Variants in AHNAK observed in about 807,000 individuals in gnomAD.
AHNAK encodes the protein neuroblast differentiation-associated protein AHNAK.
A neutral mutation model predicts 37.8 loss-of-function variants in AHNAK; 23 were observed. The ratio of observed to expected loss-of-function variants is 0.61; its 90% confidence interval spans 0.44 to 0.86. The LOEUF (loss-of-function observed/expected upper bound fraction) is 0.86, where lower values mean the gene tolerates loss of function less well. AHNAK is among the 40% of genes least tolerant of loss of function. The probability of loss-of-function intolerance (pLI) is 0.00; values close to 1 mark genes in which losing one functional copy is unlikely to be tolerated. For synonymous variants in AHNAK, 2,481 were observed against 2,636.3 expected (o/e 0.94, Z 1.80); for missense variants, 7,411 against 7,319.4 (o/e 1.01, Z -0.46).
Position 62,529,615 on chromosome 11 carries a change from A to G in AHNAK, c.4802T>C (p.Leu1601Pro). 6.2e-7 allele frequency: 1 copy of G among 1,614,172 alleles called. No homozygotes were observed. The highest frequency in any genetic ancestry group is 8.5e-7 in the Non-Finnish European group (1 of 1,180,040). ...CTTCAAGTCTCCTTCCACTTTGGGAAGGGAAACATCTACATCAGTTTTCAG... is the reference window on the plus strand; with the variant it reads ...CTTCAAGTCTCCTTCCACTTTGGGAGGGGAAACATCTACATCAGTTTTCAG... ...PKLKTDVDVS[L>P]PKVEGDLKGP... is the part of the protein sequence containing the mutation. The change falls in exon 5 of 5, where the codon CTT becomes CCT. Residue 1601 changes from leucine (L) to proline (P), a missense_variant. Physicochemically the swap from Leu to Pro is moderately conservative, Grantham distance 98 (BLOSUM62 -3). Transcript: ENST00000378024.
Position 62,524,465 on chromosome 11 carries a change from A to C in AHNAK, c.9952T>G (p.Leu3318Val), listed in dbSNP as rs143792930. The C allele has an allele frequency of 2.2e-5, 36 of 1,613,856 alleles. No homozygotes were observed. The highest frequency in any genetic ancestry group is 8.3e-5 in the Admixed American group (5 of 59,990). The change falls in exon 5 of 5, where the codon TTG becomes GTG. Residue 3318 changes from leucine to valine, a missense_variant. Leu to Val is a conservative substitution (Grantham distance 32). Transcript: ENST00000378024. The stretch of plus-strand genomic sequence containing the variant: ...CTGGGAGCTTTAATGTCACCTTCCA[A>C]CTTGGGCCCAGAGACATCAACATCT... ...KGDVDVSGPK[L>V]EGDIKAPSLD... is the part of the protein sequence containing the mutation.
rs141102768 is a variant in AHNAK, at chr11:62,527,926, T to A, written c.6491A>T (p.Asp2164Val). Reference protein sequence around the residue: ...EVPDVELECPDAKLKGPKFKM... With the variant: ...EVPDVELECPVAKLKGPKFKM... Reference sequence around the variant, plus strand: ...AAACTTGGGCCCTTTCAACTTTGCATCAGGACACTCCAGCTCAACATCAGG... The same window carrying A: ...AAACTTGGGCCCTTTCAACTTTGCAACAGGACACTCCAGCTCAACATCAGG... The change falls in exon 5 of 5, where the codon GAT becomes GTT. Residue 2164 changes from aspartate (D) to valine (V), a missense_variant. By Grantham distance (152) the Asp-to-Val change is radical (BLOSUM62 -3). Coordinates refer to ENST00000378024, the MANE Select transcript of AHNAK (RefSeq NM_001620.3). 5.0e-4 allele frequency: 805 copies of A among 1,613,296 alleles called. 1 individual carries two copies. Among genetic ancestry groups the A allele is most frequent in the Middle Eastern group, 6.6e-4 (4 of 6,082 alleles).
At position 62,520,088 on chromosome 11, in the gene AHNAK, G is replaced by T; in HGVS notation, c.14329C>A (p.His4777Asn). The part of the protein sequence containing the change: ...PDVDVHGPDW[H>N]LKMPKVKMPK... ...ATTTTCACCTTGGGCATCTTCAGGT[G>T]CCAGTCTGGGCCATGAACATCCACA... Residue 4777 changes from histidine to asparagine, a missense_variant, in exon 5 of 5, where the codon CAC becomes AAC. Transcript: ENST00000378024. 1.9e-6 allele frequency: 3 copies of T among 1,612,658 alleles called. No homozygotes were observed. Among genetic ancestry groups the T allele is most frequent in the Non-Finnish European group, 2.5e-6 (3 of 1,179,668 alleles).
At position 62,524,582 on chromosome 11, in the gene AHNAK, G is replaced by T. The variant is rs1231064664; in HGVS notation, c.9835C>A (p.Pro3279Thr). Residue 3279 changes from proline (P) to threonine (T), a missense_variant, in exon 5 of 5, where the codon CCA (proline) becomes ACA (threonine). Physicochemically the swap from Pro to Thr is conservative, Grantham distance 38. Coordinates refer to ENST00000378024, the MANE Select transcript of AHNAK (RefSeq NM_001620.3). ...TGCATGTCAGGCATCTTCAGTTTTGGACCTTTTAATTTGGCATCTGGGCCA... is the reference window on the plus strand; with the variant it reads ...TGCATGTCAGGCATCTTCAGTTTTGTACCTTTTAATTTGGCATCTGGGCCA... ...IHGPDAKLKG[P>T]KLKMPDMHVN... 6.2e-7 allele frequency: 1 copy of T among 1,613,836 alleles called. No homozygotes were observed. Among genetic ancestry groups the T allele is most frequent in the Non-Finnish European group, 8.5e-7 (1 of 1,179,944 alleles).
rs1565234737 is a variant in AHNAK at position 62,525,723 on chromosome 11, T to A, written c.8694A>T (p.Lys2898Asn). Residue 2898 changes from lysine (K) to asparagine (N), a missense_variant, in exon 5 of 5, where the codon AAA becomes AAT. Coordinates refer to ENST00000378024, the MANE Select transcript of AHNAK (RefSeq NM_001620.3). Reference sequence around the variant, plus strand: ...AGCCAGGCATGCTGAACTTGGGCATTTTCATCTTGGGCATCTTCAGGTGCC... The same window carrying A: ...AGCCAGGCATGCTGAACTTGGGCATATTCATCTTGGGCATCTTCAGGTGCC... ...PDWHLKMPKMKMPKFSMPGFK... is the reference protein window; with the variant it reads ...PDWHLKMPKMNMPKFSMPGFK... 1 of 1,612,520 alleles carries A rather than the reference T, an allele frequency of 6.2e-7. No homozygotes were observed. The highest frequency in any genetic ancestry group is 1.1e-5 in the South Asian group (1 of 90,990).
At chr11:62,471,841 G>A (rs2134849491) in intron 5 of AHNAK, among the ~76,000 whole-genome samples, 2 of 152,118 alleles carry the variant, frequency 1.3e-5, no homozygotes, top group Admixed American at 1.3e-4. Flanking sequence ...GAAAGAGAAT[G>A]GCAGAGAGAA....
At chr11:62,457,560 C>T (rs1052933666) in intron 5 of AHNAK, among the ~76,000 whole-genome samples, 23 of 152,014 alleles carry the variant, frequency 1.5e-4, no homozygotes, top group East Asian at 5.8e-4. Flanking sequence ...AACCCAGAGG[C>T]GGAGGTTGCA....
In AHNAK at chr11:62,438,606, A is replaced by C. The variant is rs1380939120; in HGVS notation, c.443-4715T>G. Among the ~76,000 whole-genome samples, 4 of 152,278 alleles carry C rather than the reference A, an allele frequency of 2.6e-5. No individual in the cohort carries two copies. The East Asian group carries it at 7.7e-4, about 29-fold the overall frequency. ...CAGATATATATCTTCTCCAGGTCTGAGGCTTGCCTTTTCATTTTTTTAATG... is the reference window on the plus strand; with the variant it reads ...CAGATATATATCTTCTCCAGGTCTGCGGCTTGCCTTTTCATTTTTTTAATG... On this transcript the variant is annotated intron_variant, in intron 5 of 5. Coordinates refer to the AHNAK transcript ENST00000257247.
rs140924568 is a variant in AHNAK at position 62,543,654 on chromosome 11, C to T, written c.-100+3006G>A. Among the ~76,000 whole-genome samples the T allele has an allele frequency of 9.3e-3, 1,417 of 152,320 alleles. 8 individuals are homozygous for T. Among genetic ancestry groups the T allele is most frequent in the Non-Finnish European group, 0.014 (966 of 68,020 alleles). On this transcript the variant is annotated intron_variant, in intron 1 of 4. Coordinates refer to ENST00000378024, the MANE Select transcript of AHNAK (RefSeq NM_001620.3). ...TGCCCCCCACACTCCCTCGGGCACA[C>T]CCAGGAACGCTGGAAATTGCTCGTG...
At chr11:62,457,644 G>A (rs184400151) in intron 5 of AHNAK, among the ~76,000 whole-genome samples, 2 of 151,814 alleles carry the variant, frequency 1.3e-5, no homozygotes, top group Non-Finnish European at 2.9e-5. Context: ...CAAAAAAAAA[G>A]GAACGAAAAG....
At chr11:62,436,525 T>C (rs552722881) in intron 5 of AHNAK, among the ~76,000 whole-genome samples, 43 of 151,980 alleles carry the variant, frequency 2.8e-4, no homozygotes, top group African/African-American at 7.7e-4. Context: ...GTGGTTTGGA[T>C]AGATTAAGGC....
At chr11:62,455,076 A>T (rs2134812548) in intron 5 of AHNAK, among the ~76,000 whole-genome samples, 1 of 151,382 alleles carries the variant, frequency 6.6e-6, no homozygotes, top group African/African-American at 2.4e-5. Context: ...GGGATTACAG[A>T]CGTACGCCAC....
intron 5 of AHNAK, among the ~76,000 whole-genome samples, chr11:62,465,233 C>A (rs180801144): frequency 6.6e-6 from 1 of 152,098 alleles, no homozygotes; most frequent in Non-Finnish European, 1.5e-5. Context: ...TCTGTCCCCC[C>A]CTCGAAAGAT....
At chr11:62,535,219 A>G in intron 3 of AHNAK, 29 bp from the exon 4 acceptor site, 2 of 1,589,990 alleles carry the variant, frequency 1.3e-6, no homozygotes, top group Non-Finnish European at 1.7e-6. Context: ...GAAGCAGGTA[A>G]GGCCCAAAGA....
intron 5 of AHNAK, among the ~76,000 whole-genome samples, chr11:62,447,981 C>G (rs962494492): frequency 6.6e-6 from 1 of 152,012 alleles, no homozygotes; most frequent in East Asian, 1.9e-4. Context: ...GTGGAGCCCT[C>G]TCAGGTCGTG....
At position 62,527,886 on chromosome 11, in the gene AHNAK, C is replaced by A. The variant is rs1362272168; in HGVS notation, c.6531G>T (p.Met2177Ile). The A allele has an allele frequency of 6.2e-7, 1 of 1,613,644 alleles. No homozygotes were observed. The highest frequency in any genetic ancestry group is 8.5e-7 in the Non-Finnish European group (1 of 1,179,944). ...TGGAGATCTTGGGGGTCTTGAAGTG[C>A]ATCTCAGGCATCTTAAACTTGGGCC... is the stretch of plus-strand genomic sequence containing the variant. The part of the protein sequence containing the change: ...LKGPKFKMPE[M>I]HFKTPKISMP... Residue 2177 changes from methionine to isoleucine, a missense_variant, in exon 5 of 5, where the codon ATG (methionine) becomes ATT (isoleucine). Met to Ile is a conservative substitution (Grantham distance 10). Coordinates refer to ENST00000378024, the MANE Select transcript of AHNAK (RefSeq NM_001620.3).
chr11:62,473,745 C>T (rs892707512), intron 5 of AHNAK, among the ~76,000 whole-genome samples: 1 of 151,740 alleles, frequency 6.6e-6, no homozygotes, highest in Admixed American at 6.6e-5. Context: ...GCTATAATCC[C>T]AGCACTTTAG....
At chr11:62,535,789 G>A (rs1191535979) in intron 3 of AHNAK, among the ~76,000 whole-genome samples, 156 bp downstream of exon 3, 2 of 152,122 alleles carry the variant, frequency 1.3e-5, no homozygotes, top group African/African-American at 4.8e-5. Flanking sequence ...GAGTGGCCAA[G>A]GGAGGGCAGG....
At position 62,503,569 on chromosome 11, in the gene AHNAK, C is replaced by T. The variant is rs542725311; in HGVS notation, c.343-11738G>A. 7.6e-5 allele frequency among the ~76,000 whole-genome samples: 11 copies of T among 144,090 alleles called. No homozygotes were observed. In the South Asian group the frequency reaches 1.1e-3, roughly 14 times the overall value. The allele number at this position is 144,090 out of a possible 152,430, so 94.5% of individuals were successfully genotyped here. A position where few individuals can be genotyped will look rare whatever the true frequency, so the allele number is the denominator to read the frequency against. Reference sequence around the variant, plus strand: ...TTGCACTCCAGCCTGGACAACAAAGCAAGACTCCATCTCAAAAAAAAAAAA... The same window carrying T: ...TTGCACTCCAGCCTGGACAACAAAGTAAGACTCCATCTCAAAAAAAAAAAA... On this transcript the variant is annotated intron_variant, in intron 4 of 5. Transcript: ENST00000257247.
Sources: allele counts gnomAD v4.1 joint callset (sites outside exome capture counted in the v4.1 genomes callset), GRCh38; gene constraint gnomAD v4.1.1; transcripts MANE v1.5; gene names NCBI Gene and HGNC (gene_info 2026-07-23, HGNC 2026-07-21).